CCDC178: variants seen among roughly 807,000 people sequenced by gnomAD.
The protein encoded by CCDC178 is coiled-coil domain containing 178.
A neutral mutation model predicts 117.4 loss-of-function variants in CCDC178; 126 were observed. The ratio of observed to expected loss-of-function variants is 1.07; its 90% CI spans 0.93 to 1.24. The LOEUF (loss-of-function observed/expected upper bound fraction) is 1.24, where lower values mean the gene tolerates loss of function less well. Among genes scored for constraint, CCDC178 ranks in the 50% most tolerant of loss-of-function variants. The pLI is 0.00. For synonymous variants in CCDC178, 283 were observed against 313.4 expected (o/e 0.90, Z 1.02); for missense variants, 1,030 against 986.9 (o/e 1.04, Z -0.59).
intron 7 of CCDC178, among the ~76,000 whole-genome samples, chr18:33,352,266 T>G (rs2062988758): frequency 6.6e-6 from 1 of 152,146 alleles, no homozygotes; most frequent in Non-Finnish European, 1.5e-5. Context: ...TCTGTTGTAG[T>G]GTCCCAGTTT....
intron 20 of CCDC178, among the ~76,000 whole-genome samples, chr18:33,204,087 GA>G (rs2059021777): frequency 1.3e-5 from 2 of 151,968 alleles, no homozygotes; most frequent in African/African-American, 4.8e-5. Context: ...TAATTATATA[GA>G]AAACAGAAAA....
intron 22 of CCDC178, among the ~76,000 whole-genome samples, chr18:32,967,784 G>T (rs2054845653): frequency 6.7e-6 from 1 of 149,342 alleles, no homozygotes. Context: ...AATTTTATTT[G>T]AATGGAATCA....
chr18:33,393,594 G>T (rs987024448), intron 4 of CCDC178, among the ~76,000 whole-genome samples: 3 of 152,062 alleles, frequency 2.0e-5, no homozygotes, highest in Admixed American at 2.0e-4. Flanking sequence ...AATGCATCGA[G>T]TATGTTTTAT....
intron 7 of CCDC178, among the ~76,000 whole-genome samples, chr18:33,351,106 T>C (rs1411584532): frequency 1.3e-5 from 2 of 151,830 alleles, no homozygotes; most frequent in Non-Finnish European, 2.9e-5. Flanking sequence ...TTTCGTATGC[T>C]AAACCACTCT....
At chr18:33,370,499 G>A (rs1193162019) in intron 5 of CCDC178, among the ~76,000 whole-genome samples, 1 of 151,752 alleles carries the variant, frequency 6.6e-6, no homozygotes, top group Non-Finnish European at 1.5e-5. Flanking sequence ...AGGAAAAAAA[G>A]GCAGAAAAAA....
chr18:33,179,878 A>C (rs1664756275), intron 20 of CCDC178, among the ~76,000 whole-genome samples: 1 of 152,014 alleles, frequency 6.6e-6, no homozygotes, highest in Non-Finnish European at 1.5e-5. Context: ...CATGGACATT[A>C]ATGGGACAGA....
chr18:33,155,156 C>T (rs528776245), intron 20 of CCDC178, among the ~76,000 whole-genome samples: 2 of 152,098 alleles, frequency 1.3e-5, no homozygotes, highest in South Asian at 4.2e-4. Context: ...ATTTGTACAA[C>T]GTATGTTCTC....
At chr18:33,420,355 T>A (rs182868428) in intron 2 of CCDC178, among the ~76,000 whole-genome samples, 7 of 152,102 alleles carry the variant, frequency 4.6e-5, no homozygotes, top group African/African-American at 1.7e-4. Flanking sequence ...GGATTTGCCA[T>A]TATTATTATT....
At chr18:33,317,996 C>A (rs375758645) in intron 11 of CCDC178, among the ~76,000 whole-genome samples, 21 of 152,204 alleles carry the variant, frequency 1.4e-4, no homozygotes, top group African/African-American at 4.6e-4. Flanking sequence ...CATGAAACAA[C>A]CGGAAGAAGG....
intron 21 of CCDC178, among the ~76,000 whole-genome samples, chr18:33,014,633 G>A (rs2055940722): frequency 6.6e-6 from 1 of 151,846 alleles, no homozygotes; most frequent in African/African-American, 2.4e-5. Flanking sequence ...CTACTATATT[G>A]TTTTATGTAT....
chr18:33,428,871 G>A (rs1380101872), intron 2 of CCDC178, among the ~76,000 whole-genome samples: 1 of 149,898 alleles, frequency 6.7e-6, no homozygotes, highest in Non-Finnish European at 1.5e-5. Context: ...GTGCAATTGT[G>A]TGCAGTAATG....
Position 33,370,004 on chromosome 18 carries a change from T to C in CCDC178, c.348+46A>G. 2.0e-6 allele frequency: 3 copies of C among 1,476,224 alleles called. No homozygotes were observed. The African/African-American group carries it at 4.4e-5, about 21-fold the overall frequency. 91.4% of individuals were successfully genotyped at this position (1,476,224 alleles called of 1,614,324 possible). ...CTTTAAATAACCAATCCTTAGAGGG[T>C]CGATAAAGCTTACCAAAATATCAGC... On this transcript the variant is annotated intron_variant, in intron 6 of 22. Transcript: ENST00000383096.
At chr18:33,002,247 G>T (rs896580889) in intron 21 of CCDC178, among the ~76,000 whole-genome samples, 26 of 151,802 alleles carry the variant, frequency 1.7e-4, no homozygotes, top group African/African-American at 6.3e-4. Flanking sequence ...TCAGCACATG[G>T]ATCATTCTCA....
intron 20 of CCDC178, among the ~76,000 whole-genome samples, chr18:33,126,997 AAT>A (rs1555647860): frequency 1.2e-3 from 170 of 141,140 alleles, no homozygotes; most frequent in South Asian, 8.4e-3. Context: ...AAAAAAAAAA[AAT>A]ATATATATAT....
At chr18:33,284,339 C>A (rs2060070861) in intron 12 of CCDC178, among the ~76,000 whole-genome samples, 1 of 152,034 alleles carries the variant, frequency 6.6e-6, no homozygotes, top group South Asian at 2.1e-4. Context: ...CAACAAACCC[C>A]CATGACATAA....
intron 15 of CCDC178, among the ~76,000 whole-genome samples, chr18:33,241,429 CGTGTG>C: frequency 1.4e-5 from 2 of 145,018 alleles, no homozygotes; most frequent in African/African-American, 5.1e-5. Context: ...ATTATATGAT[CGTGTG>C]TGTGTGTGTG....
intron 20 of CCDC178, among the ~76,000 whole-genome samples, chr18:33,176,317 C>T (rs1040036329): frequency 1.3e-5 from 2 of 152,180 alleles, no homozygotes; most frequent in African/African-American, 4.8e-5. Flanking sequence ...CCCCTGAACT[C>T]ATTGACACAC....
In CCDC178 at chr18:33,092,919, T is replaced by TA. The variant is rs900087873; in HGVS notation, c.2239-10dup. 5.4e-6 allele frequency: 8 copies of TA among 1,491,410 alleles called. No individual in the cohort carries two copies. The highest frequency in any genetic ancestry group is 4.5e-5 in the Admixed American group (2 of 44,068). 92.4% of individuals were successfully genotyped at this position (1,491,410 alleles called of 1,614,324 possible). On this transcript the variant is annotated splice_polypyrimidine_tract_variant and intron_variant, in intron 20 of 22. Coordinates refer to ENST00000383096, the MANE Select transcript of CCDC178 (RefSeq NM_001105528.4). ...GAATCAGCTATTATTTTCTAGAAGG[T>TA]AAAAAAATATAATTGAATTGTGTGT...
intron 15 of CCDC178, among the ~76,000 whole-genome samples, chr18:33,237,198 C>T (rs1288151906): frequency 1.3e-5 from 2 of 152,164 alleles, no homozygotes; most frequent in African/African-American, 2.4e-5. Flanking sequence ...CCAGTGGCTA[C>T]ACTCTACAAC....
Sources: allele counts gnomAD v4.1 joint callset (sites outside exome capture counted in the v4.1 genomes callset), GRCh38; gene constraint gnomAD v4.1.1; transcripts MANE v1.5; gene names NCBI Gene and HGNC (gene_info 2026-07-23, HGNC 2026-07-21).